The following NEK6 variants were observed in gnomAD, a reference collection of about 807,000 sequenced individuals.
NEK6 encodes serine/threonine-protein kinase Nek6.
A neutral mutation model predicts 43.5 loss-of-function variants in NEK6; 27 were observed. The observed-to-expected ratio is 0.62, with a 90% CI of 0.46 to 0.86. The LOEUF is 0.86. NEK6 is among the 40% of genes least tolerant of loss of function. NEK6 has a pLI of 0.00. For synonymous variants in NEK6, 167 were observed against 164.1 expected (o/e 1.02, Z -0.14); for missense variants, 318 against 414.4 (o/e 0.77, Z 2.02).
rs1162520112 is a variant in NEK6, at chr9:124,313,911, C to A, written c.232-12C>A. 1 of 1,613,952 alleles carries A rather than the reference C, an allele frequency of 6.2e-7. No homozygotes were observed. ...TGTAACCACTCTATTTCTCTTTTTC[C>A]TCCCGCCCAAGATCTTTGAGATGAT... On this transcript the variant is annotated splice_polypyrimidine_tract_variant and intron_variant, in intron 3 of 9. Transcript: ENST00000320246.
rs1831622377 is a variant in NEK6 at position 124,275,674 on chromosome 9, C to T, written c.-30+17589C>T. Among the ~76,000 whole-genome samples, 1 of 152,256 alleles carries T rather than the reference C, an allele frequency of 6.6e-6. No homozygotes were observed. Among genetic ancestry groups the T allele is most frequent in the South Asian group, 2.1e-4 (1 of 4,836 alleles). ...CTGTGAGGCCCACTAATGGCCAGTC[C>T]CCTGCCCCAGGATCCCCTCCAGGGC... is the stretch of plus-strand genomic sequence containing the variant. On this transcript the variant is annotated intron_variant, in intron 1 of 9. Transcript: ENST00000320246. The surrounding 1 kb of genome is among the most constrained non-coding windows in gnomAD (Gnocchi z 4.4).
chr9:124,335,705 CAACA>C (rs1463633927), intron 7 of NEK6, among the ~76,000 whole-genome samples: 2 of 152,236 alleles, frequency 1.3e-5, no homozygotes, highest in South Asian at 2.1e-4. Context: ...TGGGATGCGG[CAACA>C]AACAAAGTCC....
intron 2 of NEK6, among the ~76,000 whole-genome samples, chr9:124,308,299 T>C (rs1342645909): frequency 6.6e-6 from 1 of 152,126 alleles, no homozygotes; most frequent in Non-Finnish European, 1.5e-5. Context: ...TTGGGGGTGT[T>C]ATTTTCCCCA....
At chr9:124,281,865 G>A (rs1348861633) in intron 1 of NEK6, among the ~76,000 whole-genome samples, 9 of 152,126 alleles carry the variant, frequency 5.9e-5, no homozygotes, top group Admixed American at 3.3e-4. Flanking sequence ...AGAAAACTCT[G>A]GCAACCTATG....
At position 124,299,155 on chromosome 9, in the gene NEK6, C is replaced by A. The variant is rs548007397; in HGVS notation, c.-29-2781C>A. Among the ~76,000 whole-genome samples the A allele has an allele frequency of 2.6e-5, 4 of 152,350 alleles. No homozygotes were observed. In the South Asian group the frequency reaches 6.2e-4, roughly 24 times the overall value. Reference sequence around the variant, plus strand: ...CCACAGTTTCCAGTACATGGGAGGCCCCAGGGCAGGTGGGCGGGTAAGCCG... The same window carrying A: ...CCACAGTTTCCAGTACATGGGAGGCACCAGGGCAGGTGGGCGGGTAAGCCG... On this transcript the variant is annotated intron_variant, in intron 1 of 9. Transcript: ENST00000320246.
At chr9:124,332,851 C>A (rs1829079842) in intron 7 of NEK6, among the ~76,000 whole-genome samples, 1 of 152,274 alleles carries the variant, frequency 6.6e-6, no homozygotes, top group South Asian at 2.1e-4. Context: ...GGTAAAGATT[C>A]CGGGAAGGTC....
At chr9:124,281,890 G>A (rs1347716294) in intron 1 of NEK6, among the ~76,000 whole-genome samples, 1 of 152,190 alleles carries the variant, frequency 6.6e-6, no homozygotes, top group Non-Finnish European at 1.5e-5. Flanking sequence ...TCTTCAAAAT[G>A]TGGGAGAGGC....
At position 124,312,541 on chromosome 9, in the gene NEK6, G is replaced by A. The variant is rs766708819; in HGVS notation, c.123G>A (p.Ser41=). The change falls in exon 3 of 10, where the codon TCG becomes TCA. Residue 41 remains serine (S), a synonymous_variant. Coordinates refer to ENST00000320246, the MANE Select transcript of NEK6 (RefSeq NM_014397.6). The part of the protein sequence containing the change: ...RHPNTLSFRC[S]LADFQIEKKI... ...CCAACACGCTGTCTTTTCGCTGCTC[G>A]CTGGCGGACTTCCAGATCGAAAAGA... 15 of 1,614,008 alleles carry A rather than the reference G, an allele frequency of 9.3e-6. No homozygotes were observed. In the African/African-American group the frequency reaches 1.3e-4, roughly 14 times the overall value.
intron 1 of NEK6, among the ~76,000 whole-genome samples, chr9:124,298,994 G>T (rs931648557): frequency 1.3e-5 from 2 of 152,236 alleles, no homozygotes; most frequent in African/African-American, 4.8e-5. Context: ...ATGGCATCTG[G>T]CTGCAGCTGT....
At chr9:124,290,189 C>T (rs972504974) in intron 1 of NEK6, among the ~76,000 whole-genome samples, 2 of 152,234 alleles carry the variant, frequency 1.3e-5, no homozygotes, top group East Asian at 1.9e-4. Context: ...TGGGGGCTCA[C>T]GGTGACTCTC....
At chr9:124,257,926 CGCGGGCGCGCGGGCCCGCGCAGGCGG>C in exon 1 of NEK6, 1 of 972,086 alleles carries the variant, frequency 1.0e-6, no homozygotes, top group Non-Finnish European at 1.2e-6. Context: ...GGGGCGGGCG[CGCGGGCGCGCGGGCCCGCGCAGGCGG>C]TGGCGGCGGC....
rs145359715 is a variant in NEK6, at chr9:124,288,214, G to A, written c.-29-13722G>A. ...CTTGTTGCAGGGATATCGCTGTTGC[G>A]TGAGGGCTGGTTGTTTATGATAACA... is the stretch of plus-strand genomic sequence containing the variant. On this transcript the variant is annotated intron_variant, in intron 1 of 9. Transcript: ENST00000320246. 1.6e-4 allele frequency among the ~76,000 whole-genome samples: 24 copies of A among 152,358 alleles called. No individual in the cohort carries two copies. In the South Asian group the frequency reaches 3.3e-3, roughly 21 times the overall value.
chr9:124,324,041 C>G lies in NEK6; in HGVS notation c.406-2289C>G, dbSNP rs1359650602. ...CCCACAGTCCCCACCTCTCTCCCCC[C>G]ACTGTCCCTGCCTGCTCCCGTTCCC... On this transcript the variant is annotated intron_variant, in intron 5 of 9. Coordinates refer to ENST00000320246, the MANE Select transcript of NEK6 (RefSeq NM_014397.6). This position sits in a 1 kb window ranked among gnomAD's most constrained non-coding sequence, Gnocchi z 5.3. Among the ~76,000 whole-genome samples the G allele has an allele frequency of 6.6e-6, 1 of 152,166 alleles. No individual in the cohort carries two copies. The highest frequency in any genetic ancestry group is 6.5e-5 in the Admixed American group (1 of 15,282).
At chr9:124,285,595 G>A (rs963591939) in intron 1 of NEK6, among the ~76,000 whole-genome samples, 7 of 152,254 alleles carry the variant, frequency 4.6e-5, no homozygotes, top group East Asian at 1.9e-4. Context: ...CAGCAGATCC[G>A]AGCAACAGCC....
intron 2 of NEK6, among the ~76,000 whole-genome samples, chr9:124,309,189 A>G (rs1833413103): frequency 6.6e-6 from 1 of 152,112 alleles, no homozygotes; most frequent in Admixed American, 6.6e-5. Context: ...CCATGTCCCC[A>G]GCACACGTGC....
intron 8 of NEK6, among the ~76,000 whole-genome samples, chr9:124,344,846 G>A (rs1448294635): frequency 1.3e-5 from 2 of 152,202 alleles, no homozygotes. Flanking sequence ...AGCCTTGGCC[G>A]GGACGCCGCT....
chr9:124,270,066 CA>C (rs1166751462), intron 1 of NEK6, among the ~76,000 whole-genome samples: 2 of 151,052 alleles, frequency 1.3e-5, no homozygotes, highest in Admixed American at 1.3e-4. Flanking sequence ...CCGTTCCTTC[CA>C]CGCCCCCCCC....
At chr9:124,298,167 A>G (rs986735873) in intron 1 of NEK6, among the ~76,000 whole-genome samples, 4 of 152,034 alleles carry the variant, frequency 2.6e-5, no homozygotes, top group African/African-American at 7.2e-5. Context: ...GTGAATGGGA[A>G]AGACCTGGCC....
rs140301925 is a variant in NEK6 at position 124,290,116 on chromosome 9, T to A, written c.-29-11820T>A. Among the ~76,000 whole-genome samples, 279 of 152,348 alleles carry A rather than the reference T, an allele frequency of 1.8e-3. 1 individual carries two copies. The highest frequency in any genetic ancestry group is 6.4e-3 in the African/African-American group (266 of 41,574). ...CGTCACACCGTACGGGTGGTAGGAC[T>A]GGGCAAAGAAGACGCCGCCACCTGG... On this transcript the variant is annotated intron_variant, in intron 1 of 9. Coordinates refer to ENST00000320246, the MANE Select transcript of NEK6 (RefSeq NM_014397.6).
Sources: allele counts gnomAD v4.1 joint callset (sites outside exome capture counted in the v4.1 genomes callset), GRCh38; gene constraint gnomAD v4.1.1; non-coding constraint Gnocchi (gnomAD v3.1); transcripts MANE v1.5; gene names NCBI Gene and HGNC (gene_info 2026-07-23, HGNC 2026-07-21).